Variants in RAB38 observed in about 807,000 individuals in gnomAD.
The protein encoded by RAB38 is ras-related protein Rab-38.
RAB38 carries 15 observed loss-of-function variants against 18.4 expected under a neutral mutation model. That is an observed-to-expected ratio of 0.82 (90% CI 0.55 to 1.26). The LOEUF is 1.26. RAB38 is among the 50% of genes most tolerant of loss of function. RAB38 has a pLI of 0.00. For synonymous variants in RAB38, 101 were observed against 104.4 expected (o/e 0.97, Z 0.20); for missense variants, 294 against 267.4 (o/e 1.10, Z -0.69).
chr11:88,074,939 A>G, the RAB38 span, among the ~76,000 whole-genome samples: 1 of 152,208 alleles, frequency 6.6e-6, no homozygotes, highest in Non-Finnish European at 1.5e-5. Flanking sequence ...GCAAATCATA[A>G]ACTATAAGAA....
At chr11:88,019,926 C>G in the RAB38 span, among the ~76,000 whole-genome samples, 3 of 152,146 alleles carry the variant, frequency 2.0e-5, no homozygotes, top group East Asian at 3.9e-4. Context: ...TCCAAACACA[C>G]AGGTCTTTGA....
At chr11:88,163,628 T>C (rs1304129101) in intron 1 of RAB38, among the ~76,000 whole-genome samples, 2 of 152,282 alleles carry the variant, frequency 1.3e-5, no homozygotes, top group East Asian at 3.9e-4. Context: ...GACAAGAGAA[T>C]AAAATGGCAT....
chr11:87,818,423 T>G, the RAB38 span, among the ~76,000 whole-genome samples: 17 of 152,268 alleles, frequency 1.1e-4, no homozygotes, highest in African/African-American at 3.6e-4. Flanking sequence ...GGTAAGTATT[T>G]TTATTACCTC....
chr11:87,844,260 G>A, the RAB38 span, among the ~76,000 whole-genome samples: 9 of 152,166 alleles, frequency 5.9e-5, no homozygotes, highest in Admixed American at 5.9e-4. Flanking sequence ...TACAAGGATA[G>A]TAATTCATTT....
the RAB38 span, among the ~76,000 whole-genome samples, chr11:87,814,499 A>C: frequency 6.6e-6 from 1 of 152,236 alleles, no homozygotes; most frequent in African/African-American, 2.4e-5. Context: ...CATGAAGTAC[A>C]TAAAAGCACT....
At chr11:88,005,405 AAT>A in the RAB38 span, among the ~76,000 whole-genome samples, 1 of 132,228 alleles carries the variant, frequency 7.6e-6, no homozygotes, top group Non-Finnish European at 1.6e-5. Context: ...CATTAAAAAA[AAT>A]ATCCTACAAC....
chr11:87,948,605 AG>A, the RAB38 span, among the ~76,000 whole-genome samples: 3 of 152,028 alleles, frequency 2.0e-5, no homozygotes, highest in Non-Finnish European at 4.4e-5. Flanking sequence ...TTTAGCATGA[AG>A]GGTTCTTGAA....
chr11:87,902,279 A>G, the RAB38 span, among the ~76,000 whole-genome samples: 7 of 151,672 alleles, frequency 4.6e-5, no homozygotes, highest in East Asian at 1.2e-3. Flanking sequence ...AGGCACTGCT[A>G]TATTTTCTAG....
At chr11:87,935,126 T>C in the RAB38 span, among the ~76,000 whole-genome samples, 13 of 146,204 alleles carry the variant, frequency 8.9e-5, no homozygotes, top group Admixed American at 6.1e-4. Flanking sequence ...TCTAGAAGAT[T>C]TGGAGAAATT....
chr11:87,859,346 T>C, the RAB38 span, among the ~76,000 whole-genome samples: 1 of 151,834 alleles, frequency 6.6e-6, no homozygotes, highest in African/African-American at 2.4e-5. Flanking sequence ...AGAAAAAGGG[T>C]GGTTTGTAAA....
At chr11:87,972,960 G>A in the RAB38 span, among the ~76,000 whole-genome samples, 1 of 151,808 alleles carries the variant, frequency 6.6e-6, no homozygotes, top group Non-Finnish European at 1.5e-5. Flanking sequence ...TTAAAAGTGT[G>A]TAGCACCTCC....
chr11:87,953,961 A>G, the RAB38 span, among the ~76,000 whole-genome samples: 1 of 152,054 alleles, frequency 6.6e-6, no homozygotes, highest in Admixed American at 6.5e-5. Flanking sequence ...TAAATCTACA[A>G]AATTTGAACA....
the RAB38 span, among the ~76,000 whole-genome samples, chr11:87,977,382 A>AGTGTATT: frequency 4.3e-5 from 2 of 46,640 alleles, no homozygotes; most frequent in Non-Finnish European, 7.9e-5. Context: ...TATATTATAA[A>AGTGTATT]ATATAATTAT....
chr11:88,080,069 A>G, the RAB38 span, among the ~76,000 whole-genome samples: 1 of 151,836 alleles, frequency 6.6e-6, no homozygotes, highest in African/African-American at 2.4e-5. Context: ...AACAAAAATA[A>G]AGATATATAG....
the RAB38 span, among the ~76,000 whole-genome samples, chr11:88,043,767 C>G: frequency 3.9e-5 from 6 of 152,174 alleles, no homozygotes; most frequent in Admixed American, 1.3e-4. Context: ...CACACAAAGC[C>G]TGTTTGGTGG....
chr11:87,922,102 G>A, the RAB38 span, among the ~76,000 whole-genome samples: 13,443 of 151,968 alleles, frequency 0.088, 1,525 homozygotes, highest in African/African-American at 0.27. Flanking sequence ...TCATGACAGC[G>A]TCTAACTTAT....
At chr11:87,954,937 G>T in the RAB38 span, among the ~76,000 whole-genome samples, 1 of 152,144 alleles carries the variant, frequency 6.6e-6, no homozygotes, top group Non-Finnish European at 1.5e-5. Context: ...ATAAGCAGAG[G>T]AAAGAATTTC....
At chr11:87,824,021 T>C in the RAB38 span, among the ~76,000 whole-genome samples, 5 of 152,310 alleles carry the variant, frequency 3.3e-5, no homozygotes, top group Middle Eastern at 3.4e-3. Context: ...GGAAAAAATA[T>C]TGAAGTTTTT....
chr11:88,173,306 T>A (rs994173413), intron 1 of RAB38, among the ~76,000 whole-genome samples: 1 of 152,206 alleles, frequency 6.6e-6, no homozygotes, highest in Non-Finnish European at 1.5e-5. Context: ...ACAGGCATGA[T>A]CACCTTCAGC....
Sources: allele counts gnomAD v4.1 joint callset (sites outside exome capture counted in the v4.1 genomes callset), GRCh38; gene constraint gnomAD v4.1.1; transcripts MANE v1.5; gene names NCBI Gene and HGNC (gene_info 2026-07-23, HGNC 2026-07-21).